ST8SIA5: variants seen among roughly 807,000 people sequenced by gnomAD.
The protein encoded by ST8SIA5 is alpha-2,8-sialyltransferase 8E.
Under a neutral mutation model 40.2 loss-of-function variants are expected in ST8SIA5, and 24 were observed. The observed-to-expected ratio is 0.60, with a 90% CI of 0.43 to 0.84. ST8SIA5 has a LOEUF of 0.84. Ranked by LOEUF, ST8SIA5 falls within the 40% of genes least tolerant of loss-of-function variation. ST8SIA5 has a pLI of 0.00. For synonymous variants in ST8SIA5, 198 were observed against 201.8 expected, an observed-to-expected ratio of 0.98 and a Z score of 0.16; for missense variants, 465 against 498.5, an observed-to-expected ratio of 0.93 and a Z score of 0.64.
intron 1 of ST8SIA5, chr18:46,721,231 T>G (rs2039859413): frequency 2.6e-6 from 2 of 766,112 alleles, no homozygotes; most frequent in South Asian, 1.7e-5. Flanking sequence ...GATACCAAAG[T>G]GCAGGGAGTT....
At chr18:46,726,019 T>TATATATATATATATATATATATCCTGG (rs1568271535) in intron 1 of ST8SIA5, among the ~76,000 whole-genome samples, 11 of 100,782 alleles carry the variant, frequency 1.1e-4, no homozygotes, top group African/African-American at 4.2e-4. Flanking sequence ...ATCCTGGATA[T>TATATATATATATATATATATATCCTGG]ATATATATAT....
chr18:46,735,854 C>G, intron 1 of ST8SIA5, among the ~76,000 whole-genome samples: 1 of 152,006 alleles, frequency 6.6e-6, no homozygotes, highest in East Asian at 1.9e-4. Flanking sequence ...GTCAAGTGAT[C>G]CTCCCACTTT....
chr18:46,689,550 C>G (rs1010733461), intron 3 of ST8SIA5, among the ~76,000 whole-genome samples: 1 of 151,142 alleles, frequency 6.6e-6, no homozygotes, highest in African/African-American at 2.4e-5. Context: ...TTCCAGCTTG[C>G]AAAAGCCAGG....
In ST8SIA5 at chr18:46,679,963, C is replaced by T; in HGVS notation, c.*79G>A. The stretch of plus-strand genomic sequence containing the variant: ...CTGAACGCCAGGACCCCACGCTGCC[C>T]GGTTCGGGGCTCCCAGTTCCACCAG... On this transcript the variant is annotated 3_prime_UTR_variant, in exon 7 of 7. Coordinates refer to ENST00000315087, the MANE Select transcript of ST8SIA5 (RefSeq NM_013305.6). 7 of 1,405,906 alleles carry T rather than the reference C, an allele frequency of 5.0e-6. No homozygotes were observed. The highest frequency in any genetic ancestry group is 6.7e-6 in the Non-Finnish European group (7 of 1,041,312). 87.1% of individuals were successfully genotyped at this position (1,405,906 alleles called of 1,614,324 possible).
chr18:46,705,456 T>C (rs546977323), intron 1 of ST8SIA5, among the ~76,000 whole-genome samples: 7 of 152,244 alleles, frequency 4.6e-5, no homozygotes, highest in Admixed American at 1.3e-4. Flanking sequence ...CTAATCAGCC[T>C]ATGAGGAAAT....
intron 1 of ST8SIA5, among the ~76,000 whole-genome samples, chr18:46,710,418 T>TCTGTC (rs1236009429): frequency 5.9e-5 from 6 of 102,382 alleles, no homozygotes; most frequent in Non-Finnish European, 9.2e-5. Context: ...TTTCTTTCTT[T>TCTGTC]TTCTTTCTCT....
chr18:46,681,009 T>C (rs901468581), intron 6 of ST8SIA5, among the ~76,000 whole-genome samples: 3 of 151,842 alleles, frequency 2.0e-5, no homozygotes, highest in African/African-American at 7.3e-5. Flanking sequence ...TCTTGCTCTG[T>C]CATCCAGGCT....
chr18:46,741,863 A>C (rs1361024827), intron 1 of ST8SIA5, among the ~76,000 whole-genome samples: 1 of 152,148 alleles, frequency 6.6e-6, no homozygotes, highest in Admixed American at 6.5e-5. Flanking sequence ...GCACTTTGGG[A>C]GGCTAAGGAG....
chr18:46,745,954 AACG>A (rs1020257361), intron 1 of ST8SIA5, among the ~76,000 whole-genome samples: 3 of 152,210 alleles, frequency 2.0e-5, no homozygotes, highest in African/African-American at 7.2e-5. Context: ...AAACAGAACC[AACG>A]ACAAAAAACA....
intron 1 of ST8SIA5, among the ~76,000 whole-genome samples, chr18:46,731,172 C>T (rs2039981711): frequency 6.6e-6 from 1 of 152,280 alleles, no homozygotes; most frequent in East Asian, 1.9e-4. Flanking sequence ...TCTTTGCAGT[C>T]TCTTAGCAGA....
rs2039290679 is a variant in ST8SIA5, at chr18:46,668,749, A to G, written c.*11293T>C. ...TGCCAGGTCCCTAAATTGTATGTGC[A>G]GAGTGTGGGAGCCCCAGGGGGCACC... On this transcript the variant is annotated 3_prime_UTR_variant, in exon 7 of 7. Transcript: ENST00000315087. The G allele has an allele frequency of 6.6e-6, 1 of 152,190 alleles. No individual in the cohort carries two copies. Among genetic ancestry groups the G allele is most frequent in the African/African-American group, 2.4e-5 (1 of 41,464 alleles). The allele number at this position is 152,190 out of a possible 1,614,324, so 9.4% of individuals were successfully genotyped here.
intron 1 of ST8SIA5, among the ~76,000 whole-genome samples, chr18:46,737,978 C>T (rs1017186635): frequency 2.0e-5 from 3 of 152,092 alleles, no homozygotes; most frequent in African/African-American, 7.2e-5. Context: ...ACCACGTTGG[C>T]CAGGCTGGTC....
At chr18:46,719,325 G>A (rs1305748518) in intron 1 of ST8SIA5, among the ~76,000 whole-genome samples, 6 of 152,108 alleles carry the variant, frequency 3.9e-5, no homozygotes, top group Non-Finnish European at 7.3e-5. Context: ...ATGGAGAGAG[G>A]GGCAGAGAAA....
At chr18:46,726,442 G>A (rs1181504074) in intron 1 of ST8SIA5, among the ~76,000 whole-genome samples, 1 of 151,948 alleles carries the variant, frequency 6.6e-6, no homozygotes, top group Non-Finnish European at 1.5e-5. Flanking sequence ...CTTAAATGGA[G>A]TGCTGTAACT....
intron 2 of ST8SIA5, among the ~76,000 whole-genome samples, chr18:46,693,162 T>C (rs328113): frequency 0.94 from 142,326 of 152,058 alleles, 66,921 homozygotes; most frequent in Non-Finnish European, 0.99. Flanking sequence ...CGTGTCCTAC[T>C]GTACCTGATT....
At chr18:46,693,792 C>T (rs1568254346) in intron 2 of ST8SIA5, among the ~76,000 whole-genome samples, 1 of 152,126 alleles carries the variant, frequency 6.6e-6, no homozygotes, top group East Asian at 1.9e-4. Flanking sequence ...AGTCGCTCAC[C>T]CTTCTTATCA....
intron 2 of ST8SIA5, among the ~76,000 whole-genome samples, chr18:46,699,378 CT>C (rs558108694): frequency 3.2e-4 from 48 of 151,084 alleles, no homozygotes; most frequent in Admixed American, 7.3e-4. Flanking sequence ...CTTTCTCCCT[CT>C]TTTTTTTTCT....
chr18:46,727,881 T>G (rs2144540375), intron 1 of ST8SIA5, among the ~76,000 whole-genome samples: 1 of 152,300 alleles, frequency 6.6e-6, no homozygotes, highest in East Asian at 1.9e-4. Context: ...GCCATTGCTG[T>G]GGACTGTTTA....
chr18:46,719,225 C>A (rs1442340208), intron 1 of ST8SIA5, among the ~76,000 whole-genome samples: 1 of 152,162 alleles, frequency 6.6e-6, no homozygotes, highest in Non-Finnish European at 1.5e-5. Flanking sequence ...TCAAAGGCAC[C>A]TGAATTCCAA....
Sources: gnomAD v4.1 joint callset for allele counts (sites outside exome capture counted in the v4.1 genomes callset) on GRCh38, gnomAD v4.1.1 for gene constraint, MANE v1.5 for transcripts, NCBI Gene and HGNC (gene_info 2026-07-23, HGNC 2026-07-21) for gene names.